The following LTBP1 variants were observed in gnomAD, a reference collection of about 807,000 sequenced individuals.
LTBP1 encodes latent transforming growth factor beta binding protein 1.
A neutral mutation model predicts 207.6 loss-of-function variants in LTBP1; 129 were observed. That is an observed-to-expected ratio of 0.62 (90% CI 0.54 to 0.72). The LOEUF is 0.72. Among genes scored for constraint, LTBP1 ranks in the 30% least tolerant of loss-of-function variants. LTBP1 has a pLI of 0.00. For synonymous variants in LTBP1, 963 were observed against 833.7 expected (o/e 1.16, Z -2.67); for missense variants, 2,281 against 2,217.2 (o/e 1.03, Z -0.58).
chr2:33,294,278 C>G (rs2093830803), intron 20 of LTBP1, among the ~76,000 whole-genome samples: 1 of 151,976 alleles, frequency 6.6e-6, no homozygotes, highest in African/African-American at 2.4e-5. Flanking sequence ...CTCACTGCAA[C>G]CCCTGCCTCC....
Position 33,002,488 on chromosome 2 carries a change from G to A in LTBP1, c.566-18421G>A, listed in dbSNP as rs576069341. 2.6e-5 allele frequency among the ~76,000 whole-genome samples: 4 copies of A among 152,272 alleles called. No homozygotes were observed. The East Asian group carries it at 5.8e-4, about 22-fold the overall frequency. ...AGATGCTGCTAGGCATTGTCTGGGA[G>A]TACCCTGGAAGGTCAGGCCCAGCGT... On this transcript the variant is annotated intron_variant, in intron 2 of 33. Transcript: ENST00000404816.
At chr2:33,340,718 A>G (rs1418428356) in intron 24 of LTBP1, among the ~76,000 whole-genome samples, 2 of 152,192 alleles carry the variant, frequency 1.3e-5, no homozygotes, top group Non-Finnish European at 2.9e-5. Flanking sequence ...TAAAGTTGAC[A>G]TGTACTATAT....
chr2:33,204,994 A>G (rs1396118860), intron 7 of LTBP1, among the ~76,000 whole-genome samples: 2 of 152,216 alleles, frequency 1.3e-5, no homozygotes, highest in Non-Finnish European at 2.9e-5. Flanking sequence ...GGATTGGCTA[A>G]GGAGACTACC....
chr2:33,091,582 G>A (rs2079094375), intron 3 of LTBP1, among the ~76,000 whole-genome samples: 1 of 152,138 alleles, frequency 6.6e-6, no homozygotes, highest in Admixed American at 6.5e-5. Flanking sequence ...AGTCTTAGCT[G>A]AATAAATGCT....
intron 23 of LTBP1, among the ~76,000 whole-genome samples, chr2:33,312,601 C>T (rs1365860537): frequency 1.3e-5 from 2 of 152,052 alleles, no homozygotes; most frequent in Non-Finnish European, 2.9e-5. Context: ...TTAGAAATGC[C>T]TCAATAAGTA....
rs548166152 is a variant in LTBP1 at position 33,228,797 on chromosome 2, T to C, written c.1876+6646T>C. Among the ~76,000 whole-genome samples the C allele has an allele frequency of 2.8e-3, 411 of 147,558 alleles. 1 individual carries two copies. Among genetic ancestry groups the C allele is most frequent in the African/African-American group, 9.7e-3 (390 of 40,016 alleles). ...TCACTGCAATCTCCGCCTCCTGGGT[T>C]CAAGCGATTCCCCTGCCTCGGCCTC... On this transcript the variant is annotated intron_variant, in intron 9 of 33. Transcript: ENST00000404816.
rs201314163 is a variant in LTBP1, at chr2:33,299,887, CT to C, written c.3236-561del. ...AAAAATCCTCACTTATCACTTTCTC[CT>C]TTGGTATTCAGCAGTCATCATAATA... is the stretch of plus-strand genomic sequence containing the variant. On this transcript the variant is annotated intron_variant, in intron 20 of 33. Transcript: ENST00000404816. Among the ~76,000 whole-genome samples, 1,177 of 152,278 alleles carry C rather than the reference CT, an allele frequency of 7.7e-3. 5 individuals are homozygous for C. Among genetic ancestry groups the C allele is most frequent in the Non-Finnish European group, 0.012 (802 of 68,014 alleles).
chr2:32,980,544 C>T (rs974349914), intron 2 of LTBP1, among the ~76,000 whole-genome samples: 2 of 152,074 alleles, frequency 1.3e-5, no homozygotes, highest in African/African-American at 4.8e-5. Flanking sequence ...TCTTACTGTA[C>T]TGTGTATTTC....
chr2:33,016,843 C>T (rs1050286944), intron 2 of LTBP1, among the ~76,000 whole-genome samples: 2 of 152,010 alleles, frequency 1.3e-5, no homozygotes, highest in African/African-American at 4.8e-5. Flanking sequence ...GCCAACATGG[C>T]GAAACCCTAT....
chr2:33,277,557 G>A (rs758108173), intron 18 of LTBP1, among the ~76,000 whole-genome samples: 7 of 152,028 alleles, frequency 4.6e-5, no homozygotes, highest in Non-Finnish European at 7.4e-5. Context: ...TATGATGCCT[G>A]TCACTTTGTT....
At chr2:33,131,653 A>G (rs2081803153) in intron 4 of LTBP1, among the ~76,000 whole-genome samples, 1 of 152,262 alleles carries the variant, frequency 6.6e-6, no homozygotes, top group South Asian at 2.1e-4. Flanking sequence ...CGCTTAGAAT[A>G]CAAGTGTCTG....
At chr2:33,234,552 A>G (rs944423582) in intron 9 of LTBP1, among the ~76,000 whole-genome samples, 5 of 152,188 alleles carry the variant, frequency 3.3e-5, no homozygotes, top group Non-Finnish European at 7.4e-5. Flanking sequence ...ACTACAAACC[A>G]CTGCTCAAAG....
In LTBP1 at chr2:33,228,183, T is replaced by A. The variant is rs565898514; in HGVS notation, c.1876+6032T>A. Reference sequence around the variant, plus strand: ...AATAAAACCAACATATTTGTAGTGATTCATGATAAACTATGTTTGTAAGCC... The same window carrying A: ...AATAAAACCAACATATTTGTAGTGAATCATGATAAACTATGTTTGTAAGCC... On this transcript the variant is annotated intron_variant, in intron 9 of 33. Transcript: ENST00000404816. 3.3e-5 allele frequency among the ~76,000 whole-genome samples: 5 copies of A among 152,326 alleles called. No homozygotes were observed. In the South Asian group the frequency reaches 6.2e-4, roughly 19 times the overall value.
intron 10 of LTBP1, among the ~76,000 whole-genome samples, chr2:33,245,156 A>G (rs1219619340): frequency 6.6e-6 from 1 of 152,192 alleles, no homozygotes; most frequent in Non-Finnish European, 1.5e-5. Context: ...CTGGGATTAT[A>G]GGTGTGAGCC....
intron 23 of LTBP1, among the ~76,000 whole-genome samples, chr2:33,312,900 A>G (rs2094208425): frequency 6.6e-6 from 1 of 152,228 alleles, no homozygotes; most frequent in African/African-American, 2.4e-5. Flanking sequence ...TAAGATGGAT[A>G]TAGGTCCTGA....
chr2:33,274,271 A>G (rs78330328), intron 16 of LTBP1, among the ~76,000 whole-genome samples: 1 of 151,614 alleles, frequency 6.6e-6, no homozygotes, highest in Non-Finnish European at 1.5e-5. Context: ...AAAAAAAAAA[A>G]GTATCTCAGA....
chr2:33,015,929 A>G (rs1688314982), intron 2 of LTBP1, among the ~76,000 whole-genome samples: 1 of 152,186 alleles, frequency 6.6e-6, no homozygotes, highest in African/African-American at 2.4e-5. Flanking sequence ...CAAGAACGGC[A>G]TGGATGGGAT....
At chr2:33,033,119 G>A (rs1022258253) in intron 3 of LTBP1, among the ~76,000 whole-genome samples, 4 of 152,190 alleles carry the variant, frequency 2.6e-5, no homozygotes, top group African/African-American at 9.6e-5. Flanking sequence ...AATATTTACT[G>A]TGTGCCAGGC....
chr2:32,992,946 G>A (rs1027448930), intron 2 of LTBP1, among the ~76,000 whole-genome samples: 2 of 152,228 alleles, frequency 1.3e-5, no homozygotes, highest in Admixed American at 6.5e-5. Flanking sequence ...CAGATTTAAT[G>A]TACTGGGCAG....
Sources: allele counts gnomAD v4.1 joint callset (sites outside exome capture counted in the v4.1 genomes callset), GRCh38; gene constraint gnomAD v4.1.1; transcripts MANE v1.5; gene names NCBI Gene and HGNC (gene_info 2026-07-23, HGNC 2026-07-21).